STARD13: variants seen among roughly 807,000 people sequenced by gnomAD.
STARD13 encodes stAR-related lipid transfer protein 13.
STARD13 carries 62 observed loss-of-function variants against 106.4 expected under a neutral mutation model. The ratio of observed to expected loss-of-function variants is 0.58; its 90% confidence interval spans 0.48 to 0.72. STARD13 has a LOEUF of 0.72. Ranked by LOEUF, STARD13 falls within the 30% of genes least tolerant of loss-of-function variation. The pLI is 0.00. For missense variants in STARD13, 1,387 were observed against 1,424.0 expected, an observed-to-expected ratio of 0.97 and a Z score of 0.42; for synonymous variants, 565 against 553.0, an observed-to-expected ratio of 1.02 and a Z score of -0.31.
the STARD13 span, among the ~76,000 whole-genome samples, chr13:33,507,798 AT>A: frequency 3.3e-5 from 5 of 152,052 alleles, no homozygotes; most frequent in African/African-American, 4.8e-5. Context: ...AGCTAGGGAA[AT>A]TTTTTTTAAG....
intron 1 of STARD13, among the ~76,000 whole-genome samples, chr13:33,237,054 T>C (rs1889227414): frequency 1.1e-5 from 1 of 93,238 alleles, no homozygotes; most frequent in Non-Finnish European, 2.4e-5. Flanking sequence ...ATATGTACTT[T>C]CCCCAAAGAT....
the STARD13 span, among the ~76,000 whole-genome samples, chr13:33,660,459 G>T: frequency 1.3e-5 from 2 of 152,166 alleles, no homozygotes. Flanking sequence ...TTCCCTTGCT[G>T]GTACTGATCA....
At chr13:33,673,701 C>T in the STARD13 span, among the ~76,000 whole-genome samples, 1 of 151,594 alleles carries the variant, frequency 6.6e-6, no homozygotes, top group African/African-American at 2.4e-5. Flanking sequence ...CACCACCACA[C>T]CCAGCTAATT....
At chr13:33,351,258 T>TACACC (rs2078076538), upstream of STARD13, among the ~76,000 whole-genome samples, 1 of 152,214 alleles carries the variant, frequency 6.6e-6, no homozygotes, top group Non-Finnish European at 1.5e-5. Flanking sequence ...TAAAATAGAT[T>TACACC]TACATACTTT....
the STARD13 span, among the ~76,000 whole-genome samples, chr13:33,430,043 G>T: frequency 1.3e-5 from 2 of 151,758 alleles, no homozygotes; most frequent in African/African-American, 2.4e-5. Context: ...TCAGCCTCCT[G>T]AGTAGCTGGG....
chr13:33,375,016 G>A, the STARD13 span, among the ~76,000 whole-genome samples: 1 of 152,142 alleles, frequency 6.6e-6, no homozygotes, highest in East Asian at 1.9e-4. Flanking sequence ...CAAGATTGAA[G>A]GTTTTAAAGG....
chr13:33,170,152 A>G (rs920730971), intron 1 of STARD13, among the ~76,000 whole-genome samples: 3 of 152,214 alleles, frequency 2.0e-5, no homozygotes, highest in African/African-American at 7.2e-5. Context: ...TAACTAAAAG[A>G]GTATAATTGG....
At chr13:33,494,883 C>G in the STARD13 span, among the ~76,000 whole-genome samples, 1 of 152,136 alleles carries the variant, frequency 6.6e-6, no homozygotes, top group Non-Finnish European at 1.5e-5. Flanking sequence ...GTCCAGACCA[C>G]TTACACACAG....
intron 1 of STARD13, chr13:33,271,314 G>C (rs1891146309): frequency 6.6e-6 from 1 of 152,232 alleles, no homozygotes; most frequent in South Asian, 2.1e-4. Context: ...ACTGTCTAGA[G>C]AACAACACAG....
At chr13:33,499,594 CTTCTTCTTCTTTCTTCTT>C in the STARD13 span, among the ~76,000 whole-genome samples, 7 of 60,786 alleles carry the variant, frequency 1.2e-4, no homozygotes, top group Admixed American at 3.9e-4. Context: ...TCTTCTTCTT[CTTCTTCTTCTTTCTTCTT>C]CTTCTTCTTC....
chr13:33,385,709 A>C, the STARD13 span, among the ~76,000 whole-genome samples: 1 of 151,514 alleles, frequency 6.6e-6, no homozygotes, highest in Non-Finnish European at 1.5e-5. Context: ...AAACTACAAA[A>C]ATTAGCTGGG....
At chr13:33,567,484 A>G in the STARD13 span, among the ~76,000 whole-genome samples, 1 of 148,292 alleles carries the variant, frequency 6.7e-6, no homozygotes, top group East Asian at 2.0e-4. Context: ...CATATAATTA[A>G]TGGCCAAACG....
intron 4 of STARD13, among the ~76,000 whole-genome samples, chr13:33,134,547 A>T (rs928782928): frequency 6.6e-6 from 1 of 152,220 alleles, no homozygotes; most frequent in Non-Finnish European, 1.5e-5. Flanking sequence ...TTTAAACTGT[A>T]AAGATGGTAT....
At chr13:33,189,706 G>A (rs150569458) in intron 1 of STARD13, among the ~76,000 whole-genome samples, 10 of 151,530 alleles carry the variant, frequency 6.6e-5, no homozygotes, top group Non-Finnish European at 1.0e-4. Context: ...AAACTTCAAC[G>A]CCTTTCTCAA....
chr13:33,561,764 G>A, the STARD13 span, among the ~76,000 whole-genome samples: 1 of 146,702 alleles, frequency 6.8e-6, no homozygotes, highest in Admixed American at 7.0e-5. Context: ...ACAGCACAGA[G>A]ATAATTTACA....
At chr13:33,315,277 C>T (rs1216299600) in intron 1 of STARD13, among the ~76,000 whole-genome samples, 1 of 152,172 alleles carries the variant, frequency 6.6e-6, no homozygotes. Context: ...TTTTCCACTT[C>T]ATCAAATTCA....
the STARD13 span, among the ~76,000 whole-genome samples, chr13:33,495,700 C>T: frequency 1.3e-5 from 2 of 151,262 alleles, no homozygotes; most frequent in African/African-American, 4.8e-5. Context: ...GTTTTCCATG[C>T]CTCTTTTATA....
chr13:33,360,688 TGTGTAGACAGAAG>T, the STARD13 span, among the ~76,000 whole-genome samples: 1 of 137,244 alleles, frequency 7.3e-6, no homozygotes, highest in East Asian at 2.4e-4. Context: ...GGAATCCTTC[TGTGTAGACAGAAG>T]GAATCCTTCT....
chr13:33,250,880 TAA>T (rs1424726607), intron 1 of STARD13, among the ~76,000 whole-genome samples: 2 of 152,184 alleles, frequency 1.3e-5, no homozygotes, highest in Non-Finnish European at 2.9e-5. Flanking sequence ...GGACAAGACT[TAA>T]GTCTGTCTTG....
Sources: allele counts gnomAD v4.1 joint callset (sites outside exome capture counted in the v4.1 genomes callset), GRCh38; gene constraint gnomAD v4.1.1; transcripts MANE v1.5; gene names NCBI Gene and HGNC (gene_info 2026-07-23, HGNC 2026-07-21).